TMPRSS11E: variants seen among roughly 807,000 people sequenced by gnomAD.
TMPRSS11E encodes transmembrane protease serine 11E.
TMPRSS11E carries 38 observed loss-of-function variants against 48.1 expected under a neutral mutation model. That is an observed-to-expected ratio of 0.79 (90% CI 0.61 to 1.04). The LOEUF (loss-of-function observed/expected upper bound fraction) is 1.04. Ranked by LOEUF, TMPRSS11E falls within the 50% of genes least tolerant of loss-of-function variation. The pLI is 0.00. For missense variants in TMPRSS11E, 530 were observed against 510.8 expected, an observed-to-expected ratio of 1.04 and a Z score of -0.36; for synonymous variants, 158 against 171.9, an observed-to-expected ratio of 0.92 and a Z score of 0.63.
intron 2 of TMPRSS11E, among the ~76,000 whole-genome samples, chr4:68,464,743 C>CA (rs1350487214): frequency 6.6e-6 from 1 of 151,964 alleles, no homozygotes; most frequent in Non-Finnish European, 1.5e-5. Context: ...TCTAATAAGC[C>CA]AAAAAACTAC....
At chr4:68,457,060 CTAAT>C (rs1728652250) in intron 1 of TMPRSS11E, among the ~76,000 whole-genome samples, 1 of 152,084 alleles carries the variant, frequency 6.6e-6, no homozygotes, top group Non-Finnish European at 1.5e-5. Flanking sequence ...CAAATGGGAT[CTAAT>C]TAAACTAAAG....
rs1728587070 is a variant in TMPRSS11E, at chr4:68,454,868, T to C, written c.12-6953T>C. On this transcript the variant is annotated intron_variant, in intron 1 of 9. Coordinates refer to ENST00000305363, the MANE Select transcript of TMPRSS11E (RefSeq NM_014058.4). ...ATACATATTTTGGGGGTATCTGTGA[T>C]ATTTTGATGCTTGTATGCAATGTGT... is the stretch of plus-strand genomic sequence containing the variant. Among the ~76,000 whole-genome samples the C allele has an allele frequency of 4.6e-5, 7 of 152,098 alleles. No individual in the cohort carries two copies. The South Asian group carries it at 1.5e-3, about 32-fold the overall frequency.
rs1560552683 is a variant in TMPRSS11E, at chr4:68,471,629, T to C, written c.490+6T>C. The C allele has an allele frequency of 6.4e-7, 1 of 1,557,894 alleles. No homozygotes were observed. Among genetic ancestry groups the C allele is most frequent in the Non-Finnish European group, 8.6e-7 (1 of 1,156,406 alleles). ...TCACTCAGTTAAAATTAAAAGTAAG[T>C]TAATTTCTCTTATTTTTCTTTCATA... On this transcript the variant is annotated splice_donor_region_variant and intron_variant, in intron 5 of 9. Transcript: ENST00000305363.
At chr4:68,476,569 T>A in intron 7 of TMPRSS11E, 131 bp downstream of exon 7, 1 of 890,936 alleles carries the variant, frequency 1.1e-6, no homozygotes, top group Non-Finnish European at 1.6e-6. Flanking sequence ...CACAAAAGAC[T>A]GGATCATTTG....
Position 68,477,542 on chromosome 4 carries a change from A to C in TMPRSS11E, c.881A>C (p.His294Pro), listed in dbSNP as rs1361132548. The C allele has an allele frequency of 6.2e-6, 10 of 1,614,134 alleles. No individual in the cohort carries two copies. Among genetic ancestry groups the C allele is most frequent in the Non-Finnish European group, 7.6e-6 (9 of 1,179,988 alleles). ...CCTGTTCCCTACACAAATGCAGTAC[A>C]TAGAGTTTGTCTCCCTGATGCATCC... ...SSPVPYTNAV[H>P]RVCLPDASYE... The change falls in exon 8 of 10, where the codon CAT becomes CCT. Residue 294 changes from histidine (H) to proline (P), a missense_variant. Transcript: ENST00000305363.
chr4:68,479,739 CAT>C (rs1361694108), intron 9 of TMPRSS11E, among the ~76,000 whole-genome samples: 2 of 151,772 alleles, frequency 1.3e-5, no homozygotes, highest in South Asian at 2.1e-4. Flanking sequence ...ATTTAGAAAA[CAT>C]AAGAGGAAAA....
intron 1 of TMPRSS11E, among the ~76,000 whole-genome samples, chr4:68,460,047 G>A (rs749135686): frequency 1.3e-5 from 2 of 152,148 alleles, no homozygotes; most frequent in African/African-American, 2.4e-5. Context: ...AACTGGAGAT[G>A]GGAAAGGTTG....
chr4:68,490,119 A>G (rs1326920168), intron 9 of TMPRSS11E, among the ~76,000 whole-genome samples: 1 of 152,168 alleles, frequency 6.6e-6, no homozygotes, highest in East Asian at 1.9e-4. Flanking sequence ...GAGCCTCTCC[A>G]GGCCAGGAAC....
chr4:68,447,776 A>T (rs1284603057), intron 1 of TMPRSS11E, among the ~76,000 whole-genome samples: 1 of 151,982 alleles, frequency 6.6e-6, no homozygotes, highest in Non-Finnish European at 1.5e-5. Flanking sequence ...CACAATGTAA[A>T]GGTACATGGT....
Position 68,478,840 on chromosome 4 carries a change from T to C in TMPRSS11E, c.968-9T>C, listed in dbSNP as rs1350321717. ...TGTCTACAAATACAAAGACTTTTTT[T>C]TCTTTTAGGTTACAGTCAAAATCAT... On this transcript the variant is annotated splice_polypyrimidine_tract_variant and intron_variant, in intron 8 of 9. Transcript: ENST00000305363. 1 of 1,610,396 alleles carries C rather than the reference T, an allele frequency of 6.2e-7. No homozygotes were observed. Among genetic ancestry groups the C allele is most frequent in the African/African-American group, 1.3e-5 (1 of 74,454 alleles).
intron 7 of TMPRSS11E, 131 bp downstream of exon 7, chr4:68,476,569 T>C: frequency 1.1e-6 from 1 of 890,936 alleles, no homozygotes; most frequent in Non-Finnish European, 1.6e-6. Context: ...CACAAAAGAC[T>C]GGATCATTTG....
Position 68,480,072 on chromosome 4 carries a change from A to G in TMPRSS11E, c.1110+1081A>G, listed in dbSNP as rs577251934. Among the ~76,000 whole-genome samples the G allele has an allele frequency of 5.3e-5, 8 of 152,212 alleles. No homozygotes were observed. In the South Asian group the frequency reaches 1.7e-3, roughly 32 times the overall value. ...TTGCTGTGTTCAAGAGTTTGTCTTT[A>G]GTTTTCAGAAGTTTGATTATGTATC... is the stretch of plus-strand genomic sequence containing the variant. On this transcript the variant is annotated intron_variant, in intron 9 of 9. Coordinates refer to ENST00000305363, the MANE Select transcript of TMPRSS11E (RefSeq NM_014058.4).
intron 1 of TMPRSS11E, among the ~76,000 whole-genome samples, chr4:68,459,959 T>C (rs945426614): frequency 6.6e-6 from 1 of 152,164 alleles, no homozygotes; most frequent in South Asian, 2.1e-4. Context: ...TAAAACATAA[T>C]CTCATTGTGG....
At position 68,480,077 on chromosome 4, in the gene TMPRSS11E, T is replaced by G. The variant is rs1371475992; in HGVS notation, c.1110+1086T>G. Among the ~76,000 whole-genome samples, 6 of 152,316 alleles carry G rather than the reference T, an allele frequency of 3.9e-5. No homozygotes were observed. The South Asian group carries it at 6.2e-4, about 16-fold the overall frequency. Reference sequence around the variant, plus strand: ...GTGTTCAAGAGTTTGTCTTTAGTTTTCAGAAGTTTGATTATGTATCTTGGC... The same window carrying G: ...GTGTTCAAGAGTTTGTCTTTAGTTTGCAGAAGTTTGATTATGTATCTTGGC... On this transcript the variant is annotated intron_variant, in intron 9 of 9. Transcript: ENST00000305363.
intron 2 of TMPRSS11E, 37 bp downstream of exon 2, chr4:68,461,982 C>G: frequency 6.2e-7 from 1 of 1,611,684 alleles, no homozygotes; most frequent in Non-Finnish European, 8.5e-7. Context: ...GTGATTTACC[C>G]CAAATATTTC....
At chr4:68,479,718 T>A (rs1377868) in intron 9 of TMPRSS11E, among the ~76,000 whole-genome samples, 50,649 of 151,404 alleles carry the variant, frequency 0.33, 8,781 homozygotes, top group Non-Finnish European at 0.37. Flanking sequence ...TTGCTTCAAC[T>A]GTCAAATGTA....
At chr4:68,484,374 A>G (rs1260996951) in intron 9 of TMPRSS11E, among the ~76,000 whole-genome samples, 1 of 152,020 alleles carries the variant, frequency 6.6e-6, no homozygotes, top group African/African-American at 2.4e-5. Flanking sequence ...TGCCACAACT[A>G]TAGTTCACTG....
At chr4:68,483,067 T>C (rs1359442764) in intron 9 of TMPRSS11E, among the ~76,000 whole-genome samples, 1 of 152,202 alleles carries the variant, frequency 6.6e-6, no homozygotes. Context: ...TGCATTGCTA[T>C]TAAGAAATAT....
chr4:68,454,639 T>C (rs150727934), intron 1 of TMPRSS11E, among the ~76,000 whole-genome samples: 124 of 152,074 alleles, frequency 8.2e-4, no homozygotes, highest in African/African-American at 2.8e-3. Flanking sequence ...TTTCTCCTCA[T>C]TGCTGAATTA....
Sources: allele counts gnomAD v4.1 joint callset (sites outside exome capture counted in the v4.1 genomes callset), GRCh38; gene constraint gnomAD v4.1.1; transcripts MANE v1.5; gene names NCBI Gene and HGNC (gene_info 2026-07-23, HGNC 2026-07-21).